WWC2: variants seen among roughly 807,000 people sequenced by gnomAD.
WWC2 encodes the protein WW and C2 domain containing 2, also known as protein WWC2.
Under a neutral mutation model 138.5 loss-of-function variants are expected in WWC2, and 101 were observed. The ratio of observed to expected loss-of-function variants is 0.73; its 90% CI spans 0.62 to 0.86. WWC2 has a LOEUF of 0.86. Among genes scored for constraint, WWC2 ranks in the 40% least tolerant of loss-of-function variants. The probability of loss-of-function intolerance (pLI) is 0.00; values close to 1 mark genes in which losing one functional copy is unlikely to be tolerated. For missense variants in WWC2, 1,420 were observed against 1,419.4 expected (o/e 1.00, Z -0.01); for synonymous variants, 558 against 538.4 (o/e 1.04, Z -0.50).
At chr4:183,183,315 G>T (rs1734693709) in intron 1 of WWC2, among the ~76,000 whole-genome samples, 1 of 152,088 alleles carries the variant, frequency 6.6e-6, no homozygotes, top group Non-Finnish European at 1.5e-5. Context: ...GCATGCATTA[G>T]CTGTTTTTCC....
chr4:183,246,241 G>T (rs1428845322), intron 6 of WWC2, among the ~76,000 whole-genome samples: 3 of 151,846 alleles, frequency 2.0e-5, no homozygotes, highest in African/African-American at 7.3e-5. Context: ...TTTTTTAAGG[G>T]TGTCTCTCTT....
At chr4:183,146,403 A>AG (rs1733461574) in intron 1 of WWC2, among the ~76,000 whole-genome samples, 2 of 152,364 alleles carry the variant, frequency 1.3e-5, no homozygotes, top group South Asian at 4.1e-4. Flanking sequence ...TGAGGGCCGT[A>AG]GGGGGTGGAT....
intron 21 of WWC2, among the ~76,000 whole-genome samples, chr4:183,290,616 T>G (rs935995330): frequency 1.3e-5 from 2 of 152,216 alleles, no homozygotes; most frequent in African/African-American, 4.8e-5. Context: ...ATGAAATTGA[T>G]TTACTTTCTC....
chr4:183,250,379 G>A (rs1344656660), intron 8 of WWC2, among the ~76,000 whole-genome samples: 2 of 152,124 alleles, frequency 1.3e-5, no homozygotes, highest in Non-Finnish European at 2.9e-5. Flanking sequence ...GAGTTCTAAG[G>A]CAAATAAGTA....
chr4:183,192,324 G>C (rs1481713449), intron 1 of WWC2, among the ~76,000 whole-genome samples: 1 of 152,234 alleles, frequency 6.6e-6, no homozygotes, highest in Non-Finnish European at 1.5e-5. Context: ...GAAGTAGGAA[G>C]AGGTGCCCAG....
chr4:183,124,325 C>T (rs1363336202), intron 1 of WWC2, among the ~76,000 whole-genome samples: 1 of 151,260 alleles, frequency 6.6e-6, no homozygotes, highest in Admixed American at 6.6e-5. Flanking sequence ...AATCGTTTTC[C>T]TGTTCTCATT....
chr4:183,141,672 G>A (rs1225696787), intron 1 of WWC2, among the ~76,000 whole-genome samples: 3 of 152,164 alleles, frequency 2.0e-5, no homozygotes, highest in Non-Finnish European at 4.4e-5. Context: ...AGGTGCCGGT[G>A]TGTTGCAAAA....
At chr4:183,108,886 G>A (rs1160392761) in intron 1 of WWC2, among the ~76,000 whole-genome samples, 2 of 152,130 alleles carry the variant, frequency 1.3e-5, no homozygotes, top group Non-Finnish European at 2.9e-5. Flanking sequence ...TGGGATTACA[G>A]GTGTGAGACA....
At chr4:183,172,556 G>GTTTTTTTTTTTTTTTTTTTTTTTT (rs61599876) in intron 1 of WWC2, among the ~76,000 whole-genome samples, 1 of 113,048 alleles carries the variant, frequency 8.8e-6, no homozygotes, top group Non-Finnish European at 1.8e-5. Context: ...TATGTTTCTT[G>GTTTTTTTTTTTTTTTTTTTTTTTT]TTTTTTTTTT....
chr4:183,198,359 C>T (rs1050618928), intron 2 of WWC2, among the ~76,000 whole-genome samples: 2 of 152,050 alleles, frequency 1.3e-5, no homozygotes, highest in Non-Finnish European at 2.9e-5. Flanking sequence ...CATATTGATA[C>T]ACACATGCAC....
chr4:183,269,831 G>A (rs1737642684), intron 15 of WWC2: 1 of 189,164 alleles, frequency 5.3e-6, no homozygotes. Flanking sequence ...TACAGCAGAA[G>A]ACTTCACAGT....
At chr4:183,215,766 T>C (rs183155874) in intron 4 of WWC2, among the ~76,000 whole-genome samples, 7 of 152,302 alleles carry the variant, frequency 4.6e-5, no homozygotes, top group Admixed American at 1.3e-4. Context: ...GGAGGAGATA[T>C]TTAGTTTCTC....
intron 1 of WWC2, among the ~76,000 whole-genome samples, chr4:183,184,733 TA>T (rs1170619608): frequency 6.6e-6 from 1 of 152,208 alleles, no homozygotes; most frequent in Non-Finnish European, 1.5e-5. Flanking sequence ...CCATAATAAC[TA>T]ATGATGTTGA....
At chr4:183,218,963 T>C (rs1735844307) in intron 4 of WWC2, among the ~76,000 whole-genome samples, 1 of 152,180 alleles carries the variant, frequency 6.6e-6, no homozygotes, top group Non-Finnish European at 1.5e-5. Context: ...CACAGGTAAA[T>C]GTCAACAAAA....
At chr4:183,231,783 G>A (rs1449307269) in intron 4 of WWC2, among the ~76,000 whole-genome samples, 2 of 151,990 alleles carry the variant, frequency 1.3e-5, no homozygotes, top group South Asian at 2.1e-4. Context: ...TCAGCCTCCC[G>A]AGTAGCTGGG....
chr4:183,256,108 A>G (rs1317938225), intron 9 of WWC2, among the ~76,000 whole-genome samples: 1 of 152,176 alleles, frequency 6.6e-6, no homozygotes, highest in Non-Finnish European at 1.5e-5. Flanking sequence ...TATATGTAGT[A>G]TGTTGACTTT....
chr4:183,241,295 T>C (rs1432728479), intron 5 of WWC2, among the ~76,000 whole-genome samples: 1 of 152,242 alleles, frequency 6.6e-6, no homozygotes, highest in East Asian at 1.9e-4. Context: ...AATCTTACTT[T>C]ACCTTCTGCT....
At chr4:183,138,241 T>G (rs1450457571) in intron 1 of WWC2, among the ~76,000 whole-genome samples, 2 of 152,202 alleles carry the variant, frequency 1.3e-5, no homozygotes, top group Non-Finnish European at 2.9e-5. Flanking sequence ...TCTTTCTTTT[T>G]GCAGTCTTCT....
In WWC2 at chr4:183,282,878, G is replaced by A; in HGVS notation, c.2855G>A (p.Ser952Asn). 6.3e-7 allele frequency: 1 copy of A among 1,587,996 alleles called. No homozygotes were observed. The change falls in exon 18 of 23, where the codon AGT becomes AAT. Residue 952 changes from serine (S) to asparagine (N), a missense_variant. Coordinates refer to ENST00000403733, the MANE Select transcript of WWC2 (RefSeq NM_024949.6). The stretch of plus-strand genomic sequence containing the variant: ...AGCAACTGTGCCAAAGACCTCAGAA[G>A]TCAGCCACCTACTAGAATACCAACA... ...KESNCAKDLR[S>N]QPPTRIPTLV...
Sources: gnomAD v4.1 joint callset for allele counts (sites outside exome capture counted in the v4.1 genomes callset) on GRCh38, gnomAD v4.1.1 for gene constraint, MANE v1.5 for transcripts, NCBI Gene and HGNC (gene_info 2026-07-23, HGNC 2026-07-21) for gene names.